The following PKP4 variants were observed in gnomAD, a reference collection of about 807,000 sequenced individuals.
The protein encoded by PKP4 is plakophilin-4.
A neutral mutation model predicts 145.1 loss-of-function variants in PKP4; 90 were observed. That is an observed-to-expected ratio of 0.62 (90% CI 0.52 to 0.74). PKP4 has a LOEUF of 0.74. Among genes scored for constraint, PKP4 ranks in the 30% least tolerant of loss-of-function variants. PKP4 has a pLI of 0.00. For missense variants in PKP4, 1,340 were observed against 1,482.7 expected (o/e 0.90, Z 1.58); for synonymous variants, 563 against 577.2 (o/e 0.98, Z 0.35).
chr2:158,602,003 C>T (rs759476580), intron 3 of PKP4, among the ~76,000 whole-genome samples: 2 of 152,028 alleles, frequency 1.3e-5, no homozygotes, highest in Non-Finnish European at 2.9e-5. Context: ...AAAAAAATAC[C>T]ATGAATATAT....
At chr2:158,561,537 A>G (rs905730924) in intron 2 of PKP4, among the ~76,000 whole-genome samples, 1 of 152,202 alleles carries the variant, frequency 6.6e-6, no homozygotes, top group African/African-American at 2.4e-5. Context: ...TTTATTTGGC[A>G]TCTTAAAACA....
In PKP4 at chr2:158,648,019, T is replaced by C. The variant is rs116507616; in HGVS notation, c.1909+5320T>C. 4.8e-3 allele frequency among the ~76,000 whole-genome samples: 731 copies of C among 152,334 alleles called. 2 individuals carry two copies. Among genetic ancestry groups the C allele is most frequent in the African/African-American group, 0.016 (667 of 41,582 alleles). On this transcript the variant is annotated intron_variant, in intron 11 of 21. Transcript: ENST00000389759. ...ACATCATTTTTTAAAACTATAGACA[T>C]TGAAGATATTGCACAAATCTGGAGG...
intron 12 of PKP4, chr2:158,659,066 T>G (rs1390806083): frequency 6.6e-6 from 1 of 152,344 alleles, no homozygotes; most frequent in African/African-American, 2.4e-5. Flanking sequence ...TGGAAGGTGC[T>G]TAGCACAGTG....
At chr2:158,629,050 A>G (rs1172238560) in intron 7 of PKP4, among the ~76,000 whole-genome samples, 1 of 152,232 alleles carries the variant, frequency 6.6e-6, no homozygotes, top group East Asian at 1.9e-4. Flanking sequence ...TGTCTAAGGT[A>G]TTCATGGGCT....
chr2:158,537,463 T>C (rs1342680849), intron 2 of PKP4, among the ~76,000 whole-genome samples: 2 of 152,330 alleles, frequency 1.3e-5, no homozygotes, highest in Middle Eastern at 3.4e-3. Context: ...TTAAGAATTA[T>C]GCTTTAAGAG....
intron 2 of PKP4, among the ~76,000 whole-genome samples, chr2:158,567,810 A>G (rs2047115408): frequency 6.6e-6 from 1 of 152,228 alleles, no homozygotes; most frequent in Admixed American, 6.5e-5. Context: ...ATTAATGTGA[A>G]CCTGAAGGAA....
intron 1 of PKP4, among the ~76,000 whole-genome samples, chr2:158,508,068 G>C (rs1416912214): frequency 1.3e-5 from 2 of 151,948 alleles, no homozygotes; most frequent in African/African-American, 4.8e-5. Flanking sequence ...ATTGAAAATA[G>C]AAACAAGGCC....
intron 8 of PKP4, chr2:158,632,327 C>T (rs927275751): frequency 1.0e-5 from 2 of 193,582 alleles, no homozygotes; most frequent in Non-Finnish European, 2.1e-5. Context: ...GTTACTTGGC[C>T]ATCTTTGATT....
At chr2:158,626,764 G>A (rs1405561513) in intron 7 of PKP4, among the ~76,000 whole-genome samples, 1 of 152,110 alleles carries the variant, frequency 6.6e-6, no homozygotes, top group African/African-American at 2.4e-5. Flanking sequence ...TTATGACTGA[G>A]GTTGAAGATT....
At chr2:158,664,634 A>G (rs557941297) in intron 15 of PKP4, among the ~76,000 whole-genome samples, 1 of 152,308 alleles carries the variant, frequency 6.6e-6, no homozygotes, top group Admixed American at 6.5e-5. Flanking sequence ...ACTATGTTGA[A>G]TATAGAGCGA....
intron 1 of PKP4, 52 bp from the exon 2 acceptor site, chr2:158,533,128 C>T: frequency 1.3e-6 from 2 of 1,521,244 alleles, no homozygotes; most frequent in East Asian, 4.7e-5. Context: ...AGCCTTGGTT[C>T]CTGCAAGGGA....
At chr2:158,517,150 A>G (rs920518388) in intron 1 of PKP4, among the ~76,000 whole-genome samples, 4 of 152,150 alleles carry the variant, frequency 2.6e-5, no homozygotes, top group Admixed American at 2.6e-4. Flanking sequence ...GATATGAAAA[A>G]CTAATGATGA....
intron 20 of PKP4, among the ~76,000 whole-genome samples, chr2:158,677,845 AT>A (rs760213007): frequency 6.6e-6 from 1 of 152,176 alleles, no homozygotes; most frequent in Non-Finnish European, 1.5e-5. Context: ...TATCTTACAG[AT>A]CACCTCTTTA....
chr2:158,504,839 A>T (rs1367702630), intron 1 of PKP4, among the ~76,000 whole-genome samples: 1 of 152,198 alleles, frequency 6.6e-6, no homozygotes, highest in African/African-American at 2.4e-5. Context: ...ATATGTTGAA[A>T]TCTCTTTAGT....
chr2:158,463,570 C>G (rs1437574850), intron 1 of PKP4, among the ~76,000 whole-genome samples: 1 of 152,176 alleles, frequency 6.6e-6, no homozygotes, highest in East Asian at 1.9e-4. Context: ...GGCTTTGCCA[C>G]TATGCAGGTG....
At chr2:158,586,496 C>G (rs1261723598) in intron 3 of PKP4, among the ~76,000 whole-genome samples, 2 of 152,180 alleles carry the variant, frequency 1.3e-5, no homozygotes. Context: ...CTAAAGCTCC[C>G]TAACTTCATT....
At chr2:158,518,962 A>G (rs1461004980) in intron 1 of PKP4, among the ~76,000 whole-genome samples, 1 of 152,100 alleles carries the variant, frequency 6.6e-6, no homozygotes, top group Non-Finnish European at 1.5e-5. Flanking sequence ...AGCTTGTTTC[A>G]TTCATTTTAT....
rs75639440 is a variant in PKP4, at chr2:158,651,519, C to T, written c.1910-6612C>T. On this transcript the variant is annotated intron_variant, in intron 11 of 21. Coordinates refer to ENST00000389759, the MANE Select transcript of PKP4 (RefSeq NM_003628.6). Reference sequence around the variant, plus strand: ...TCCAAATCAGTAGCTTCTGTGACCTCCTGCCAGCCAGCTCCAGCATGTGCC... The same window carrying T: ...TCCAAATCAGTAGCTTCTGTGACCTTCTGCCAGCCAGCTCCAGCATGTGCC... Among the ~76,000 whole-genome samples, 23 of 152,144 alleles carry T rather than the reference C, an allele frequency of 1.5e-4. No individual in the cohort carries two copies. The East Asian group carries it at 4.1e-3, about 27-fold the overall frequency.
At chr2:158,514,965 A>G (rs772784752) in intron 1 of PKP4, among the ~76,000 whole-genome samples, 12 of 152,230 alleles carry the variant, frequency 7.9e-5, no homozygotes, top group Non-Finnish European at 1.5e-4. Flanking sequence ...CAAATTACTC[A>G]ATGCATCATT....
Sources: gnomAD v4.1 joint callset for allele counts (sites outside exome capture counted in the v4.1 genomes callset) on GRCh38, gnomAD v4.1.1 for gene constraint, MANE v1.5 for transcripts, NCBI Gene and HGNC (gene_info 2026-07-23, HGNC 2026-07-21) for gene names.